ABAT: variants seen among roughly 807,000 people sequenced by gnomAD.
ABAT encodes 4-aminobutyrate aminotransferase.
A neutral mutation model predicts 64.6 loss-of-function variants in ABAT; 45 were observed. The observed-to-expected ratio is 0.70, with a 90% CI of 0.55 to 0.89. The LOEUF is 0.89. Among genes scored for constraint, ABAT ranks in the 40% least tolerant of loss-of-function variants. ABAT has a pLI of 0.00. For synonymous variants in ABAT, 297 were observed against 250.5 expected (o/e 1.19, Z -1.75); for missense variants, 633 against 658.4 (o/e 0.96, Z 0.42).
At position 8,750,098 on chromosome 16, in the gene ABAT, A is replaced by C. The variant is rs532257851; in HGVS notation, c.199-324A>C. Among the ~76,000 whole-genome samples the C allele has an allele frequency of 1.1e-4, 16 of 152,292 alleles. No individual in the cohort carries two copies. In the East Asian group the frequency reaches 3.1e-3, roughly 29 times the overall value. ...TTCTTTAATGATTACTACATATTTT[A>C]GTTTTCTTTGAGTTTGCTCTAAGGT... On this transcript the variant is annotated intron_variant, in intron 4 of 15. Transcript: ENST00000268251.
intron 1 of ABAT, among the ~76,000 whole-genome samples, chr16:8,687,567 C>T (rs1351667588): frequency 3.3e-5 from 5 of 152,202 alleles, no homozygotes; most frequent in Non-Finnish European, 7.3e-5. Context: ...GAGCAGCTTG[C>T]TGTTTGTTTG....
chr16:8,686,079 C>T (rs1436925614), intron 1 of ABAT, among the ~76,000 whole-genome samples: 2 of 152,212 alleles, frequency 1.3e-5, no homozygotes. Flanking sequence ...GTTGGCTGAA[C>T]ACCAGCCAAA....
chr16:8,720,411 G>A (rs532032024), intron 1 of ABAT, among the ~76,000 whole-genome samples: 19 of 152,328 alleles, frequency 1.2e-4, no homozygotes, highest in African/African-American at 4.3e-4. Flanking sequence ...CTGTTTCCAA[G>A]AACAGTATTT....
At chr16:8,687,569 G>C (rs2141954077) in intron 1 of ABAT, among the ~76,000 whole-genome samples, 1 of 152,326 alleles carries the variant, frequency 6.6e-6, no homozygotes, top group Admixed American at 6.5e-5. Context: ...GCAGCTTGCT[G>C]TTTGTTTGGA....
At position 8,754,806 on chromosome 16, in the gene ABAT, C is replaced by T. The variant is rs554439807; in HGVS notation, c.317-2951C>T. On this transcript the variant is annotated intron_variant, in intron 5 of 15. Transcript: ENST00000268251. ...CAATCTCAGCTCACTACAACCTCTGCCCCCCTGGTTCAAGCGATTCTCCTG... is the reference window on the plus strand; with the variant it reads ...CAATCTCAGCTCACTACAACCTCTGTCCCCCTGGTTCAAGCGATTCTCCTG... 1.4e-3 allele frequency among the ~76,000 whole-genome samples: 217 copies of T among 151,836 alleles called. 1 individual carries two copies. The highest frequency in any genetic ancestry group is 4.8e-3 in the African/African-American group (198 of 41,340).
intron 1 of ABAT, among the ~76,000 whole-genome samples, chr16:8,724,642 G>A (rs1044999838): frequency 4.7e-5 from 7 of 149,658 alleles, no homozygotes; most frequent in African/African-American, 1.5e-4. Flanking sequence ...AGGCTGAGAT[G>A]GGAGGATCAC....
At chr16:8,767,470 A>G (rs1004354647) in intron 9 of ABAT, among the ~76,000 whole-genome samples, 1 of 152,142 alleles carries the variant, frequency 6.6e-6, no homozygotes, top group African/African-American at 2.4e-5. Flanking sequence ...AGGCCTGAGT[A>G]GTAGGGAGCC....
At chr16:8,693,071 TC>T (rs145765856) in intron 1 of ABAT, among the ~76,000 whole-genome samples, 3,640 of 152,232 alleles carry the variant, frequency 0.024, 144 homozygotes, top group African/African-American at 0.083. Context: ...GCCAGGATGG[TC>T]TCGAACTCAT....
intron 1 of ABAT, among the ~76,000 whole-genome samples, chr16:8,676,814 T>C (rs1454320697): frequency 3.3e-5 from 5 of 152,216 alleles, no homozygotes; most frequent in Admixed American, 2.0e-4. Context: ...GCCCACGCCC[T>C]CTGGCTTTGA....
At chr16:8,712,005 C>CGA (rs111228441) in intron 1 of ABAT, among the ~76,000 whole-genome samples, 2 of 150,446 alleles carry the variant, frequency 1.3e-5, no homozygotes, top group African/African-American at 4.9e-5. Context: ...TTTGGGAGGT[C>CGA]GGGGGGGAGG....
chr16:8,707,641 A>C (rs757251029), intron 1 of ABAT, among the ~76,000 whole-genome samples: 7 of 152,210 alleles, frequency 4.6e-5, no homozygotes, highest in Non-Finnish European at 1.0e-4. Flanking sequence ...AAGAGGCAAG[A>C]GAGAAGCTTA....
At chr16:8,748,208 A>G (rs2059386583) in intron 4 of ABAT, 71 bp downstream of exon 4, 19 of 1,420,542 alleles carry the variant, frequency 1.3e-5, no homozygotes, top group Non-Finnish European at 1.8e-5. Context: ...CAGATGCTTA[A>G]TCTGTTCTGG....
intron 1 of ABAT, among the ~76,000 whole-genome samples, chr16:8,718,674 T>G (rs1025552351): frequency 6.6e-6 from 1 of 152,166 alleles, no homozygotes; most frequent in South Asian, 2.1e-4. Flanking sequence ...GACCCCTAAA[T>G]GGCAGCCTCA....
Position 8,764,153 on chromosome 16 carries a change from A to G in ABAT, c.447+4A>G, listed in dbSNP as rs1783837851. ...GCTCCGGCAGTCCTTGCTCTCGGTG[A>G]GTTCTGGAGAAGCAATCCCATTGTC... On this transcript the variant is annotated splice_donor_region_variant and intron_variant, in intron 7 of 15. Coordinates refer to ENST00000268251, the MANE Select transcript of ABAT (RefSeq NM_020686.6). This position sits in a 1 kb window ranked among gnomAD's most constrained non-coding sequence, Gnocchi z 4.2. The G allele has an allele frequency of 6.2e-7, 1 of 1,612,452 alleles. No homozygotes were observed. Among genetic ancestry groups the G allele is most frequent in the Non-Finnish European group, 8.5e-7 (1 of 1,179,456 alleles).
At position 8,784,057 on chromosome 16, in the gene ABAT, A is replaced by C. The variant is rs2060494872; in HGVS notation, c.*2627A>C. 1 of 152,444 alleles carries C rather than the reference A, an allele frequency of 6.6e-6. No individual in the cohort carries two copies. Among genetic ancestry groups the C allele is most frequent in the Non-Finnish European group, 1.5e-5 (1 of 68,034 alleles). 9.4% of individuals were successfully genotyped at this position (152,444 alleles called of 1,614,324 possible). A position where few individuals can be genotyped will look rare whatever the true frequency, so the allele number is the denominator to read the frequency against. ...GCTCAAGATTGTAGAAACTCAGCAG[A>C]AGCTGGTAAAAACATGGGGAGCCCG... On this transcript the variant is annotated 3_prime_UTR_variant, in exon 16 of 16. Transcript: ENST00000268251.
intron 1 of ABAT, among the ~76,000 whole-genome samples, chr16:8,701,502 T>A (rs2057821574): frequency 6.6e-6 from 1 of 152,192 alleles, no homozygotes; most frequent in Non-Finnish European, 1.5e-5. Context: ...CCCCGATGGG[T>A]TGGACCCCAC....
At chr16:8,723,581 A>G (rs1473841105) in intron 1 of ABAT, among the ~76,000 whole-genome samples, 2 of 152,098 alleles carry the variant, frequency 1.3e-5, no homozygotes, top group African/African-American at 2.4e-5. Context: ...AGCAGCAAGT[A>G]TAAGACAGGA....
rs539155141 is a variant in ABAT, at chr16:8,690,474, C to T, written c.-42+15763C>T. Among the ~76,000 whole-genome samples the T allele has an allele frequency of 8.5e-5, 13 of 152,320 alleles. No individual in the cohort carries two copies. The South Asian group carries it at 2.7e-3, about 32-fold the overall frequency. ...TAAAAGTCTCCAACAATATATTTTT[C>T]TACATTTTTTGTGGTACTTTTTTCC... On this transcript the variant is annotated intron_variant, in intron 1 of 15. Coordinates refer to ENST00000268251, the MANE Select transcript of ABAT (RefSeq NM_020686.6).
chr16:8,769,036 AC>A, intron 11 of ABAT, 63 bp downstream of exon 11: 2 of 1,604,250 alleles, frequency 1.2e-6, no homozygotes, highest in Non-Finnish European at 1.7e-6. Context: ...CCGCCCCAAG[AC>A]TTGGGGAGAA....
Sources: allele counts gnomAD v4.1 joint callset (sites outside exome capture counted in the v4.1 genomes callset), GRCh38; gene constraint gnomAD v4.1.1; non-coding constraint Gnocchi (gnomAD v3.1); transcripts MANE v1.5; gene names NCBI Gene and HGNC (gene_info 2026-07-23, HGNC 2026-07-21).